The following TTC39C variants were observed in gnomAD, a reference collection of about 807,000 sequenced individuals.
TTC39C encodes the protein tetratricopeptide repeat domain 39C.
TTC39C carries 33 observed loss-of-function variants against 76.3 expected under a neutral mutation model. That is an observed-to-expected ratio of 0.43 (90% CI 0.33 to 0.58). The LOEUF (loss-of-function observed/expected upper bound fraction) is 0.58, where lower values mean the gene tolerates loss of function less well. Among genes scored for constraint, TTC39C ranks in the 20% least tolerant of loss-of-function variants. The pLI, the probability that TTC39C is intolerant of heterozygous loss-of-function variation, is 0.04. For missense variants in TTC39C, 595 were observed against 701.4 expected (o/e 0.85, Z 1.71); for synonymous variants, 254 against 260.6 (o/e 0.97, Z 0.24).
intron 11 of TTC39C, 115 bp downstream of exon 11, chr18:24,129,098 CT>C: frequency 1.5e-6 from 1 of 654,022 alleles, no homozygotes; most frequent in Non-Finnish European, 2.4e-6. Flanking sequence ...CCACTATAAA[CT>C]TTATCCAATT....
chr18:24,068,674 T>C (rs1388123999), intron 3 of TTC39C, among the ~76,000 whole-genome samples: 1 of 152,346 alleles, frequency 6.6e-6, no homozygotes, highest in East Asian at 1.9e-4. Context: ...TATTTTCTCC[T>C]TAATGGAAAT....
chr18:24,030,285 A>G (rs2083650877), intron 1 of TTC39C, among the ~76,000 whole-genome samples: 1 of 152,186 alleles, frequency 6.6e-6, no homozygotes, highest in South Asian at 2.1e-4. Context: ...TAGAGAAGGA[A>G]CTATTGCTGA....
chr18:24,058,457 C>A (rs1421003024), intron 1 of TTC39C, among the ~76,000 whole-genome samples: 1 of 152,052 alleles, frequency 6.6e-6, no homozygotes, highest in Admixed American at 6.5e-5. Context: ...GCGTTTGAGA[C>A]CAGCATGGTC....
intron 1 of TTC39C, among the ~76,000 whole-genome samples, chr18:24,059,381 G>C (rs1397352648): frequency 1.3e-5 from 2 of 151,994 alleles, no homozygotes; most frequent in African/African-American, 4.8e-5. Flanking sequence ...CCATCGTCAA[G>C]TAGGCCTCCG....
intron 4 of TTC39C, among the ~76,000 whole-genome samples, chr18:24,071,661 G>A (rs1035985): frequency 1 from 152,294 of 152,364 alleles, 76,112 homozygotes; most frequent in Middle Eastern, 1. Flanking sequence ...TATCATATGG[G>A]TATGCCCTAA....
chr18:24,122,371 A>G (rs1248222811), intron 8 of TTC39C, among the ~76,000 whole-genome samples: 2 of 151,534 alleles, frequency 1.3e-5, no homozygotes, highest in Non-Finnish European at 2.9e-5. Context: ...GCATGGTGGC[A>G]TGTGCCTGTA....
intron 5 of TTC39C, 51 bp from the exon 6 acceptor site, chr18:24,082,862 A>G (rs752733307): frequency 3.3e-6 from 5 of 1,508,054 alleles, no homozygotes; most frequent in East Asian, 4.6e-5. Context: ...AAAAATGGAA[A>G]TGGTGTAAGG....
chr18:24,092,586 G>A (rs1459871674), intron 6 of TTC39C, among the ~76,000 whole-genome samples: 7 of 152,184 alleles, frequency 4.6e-5, no homozygotes, highest in Non-Finnish European at 7.3e-5. Flanking sequence ...ACTATAGCAT[G>A]GAGGAACCTT....
rs554893561 is a variant in TTC39C, at chr18:24,067,713, G to C, written c.346-1444G>C. On this transcript the variant is annotated intron_variant, in intron 3 of 13. Transcript: ENST00000317571. ...TGGAAAAATTGTCTTCCGTGAAGCTGGTCCCTGGTGCCAAAAAGGTTGGAG... is the reference window on the plus strand; with the variant it reads ...TGGAAAAATTGTCTTCCGTGAAGCTCGTCCCTGGTGCCAAAAAGGTTGGAG... Among the ~76,000 whole-genome samples the C allele has an allele frequency of 2.0e-4, 31 of 152,206 alleles. 1 individual carries two copies. In the South Asian group the frequency reaches 6.4e-3, roughly 32 times the overall value.
chr18:24,114,674 CTTG>C, intron 7 of TTC39C, 27 bp downstream of exon 7: 1 of 1,555,306 alleles, frequency 6.4e-7, no homozygotes. Flanking sequence ...TGTCCAGCCT[CTTG>C]TTAAGAAGTA....
chr18:24,052,902 A>G (rs2083970540), intron 1 of TTC39C, among the ~76,000 whole-genome samples: 1 of 152,248 alleles, frequency 6.6e-6, no homozygotes, highest in Admixed American at 6.5e-5. Context: ...AGGAGACCTC[A>G]TGAATGAGAT....
At chr18:24,086,071 CAG>C (rs1432728074) in intron 6 of TTC39C, among the ~76,000 whole-genome samples, 3 of 152,190 alleles carry the variant, frequency 2.0e-5, no homozygotes, top group African/African-American at 7.2e-5. Context: ...GGCCCTGACT[CAG>C]TTTATGAAAC....
intron 1 of TTC39C, among the ~76,000 whole-genome samples, chr18:23,998,802 A>G (rs976820128): frequency 2.3e-5 from 2 of 88,764 alleles, no homozygotes; most frequent in African/African-American, 7.3e-5. Flanking sequence ...AACTGTAAGC[A>G]TGAAGCTGGT....
At chr18:24,036,070 A>T (rs966473232) in intron 1 of TTC39C, among the ~76,000 whole-genome samples, 1 of 151,410 alleles carries the variant, frequency 6.6e-6, no homozygotes, top group Non-Finnish European at 1.5e-5. Flanking sequence ...TAGGCTCTCT[A>T]TTCTTTTGCA....
chr18:24,110,651 A>G (rs2084797506), intron 6 of TTC39C, among the ~76,000 whole-genome samples: 1 of 152,242 alleles, frequency 6.6e-6, no homozygotes, highest in South Asian at 2.1e-4. Flanking sequence ...AAAAATACCT[A>G]GGAATATACC....
rs555769517 is a variant in TTC39C at position 23,995,042 on chromosome 18, C to T, written c.-17+2004C>T. ...GTGTAGGTTTGTCTAATCAGCATTG[C>T]AATTATGATACAGAACTATTCCTTC... On this transcript the variant is annotated intron_variant, in intron 1 of 13. Coordinates refer to the TTC39C transcript ENST00000304621. 7.2e-5 allele frequency among the ~76,000 whole-genome samples: 11 copies of T among 152,238 alleles called. No individual in the cohort carries two copies. The South Asian group carries it at 2.3e-3, about 32-fold the overall frequency.
intron 6 of TTC39C, chr18:24,113,818 A>G (rs1290607281): frequency 3.1e-6 from 2 of 648,272 alleles, no homozygotes; most frequent in Non-Finnish European, 5.6e-6. Context: ...AATGTATTTC[A>G]CTGGGAGTAA....
intron 1 of TTC39C, among the ~76,000 whole-genome samples, chr18:24,019,655 T>A (rs1324089589): frequency 6.6e-6 from 1 of 152,236 alleles, no homozygotes; most frequent in African/African-American, 2.4e-5. Flanking sequence ...GATGGTTCCA[T>A]ATAATCCAGG....
intron 1 of TTC39C, among the ~76,000 whole-genome samples, chr18:24,060,313 G>GTT (rs1294806136): frequency 0.022 from 2,001 of 89,220 alleles, 140 homozygotes; most frequent in East Asian, 0.17. Context: ...TTGCGTTTCT[G>GTT]TTTTTTTTTT....
Sources: gnomAD v4.1 joint callset for allele counts (sites outside exome capture counted in the v4.1 genomes callset) on GRCh38, gnomAD v4.1.1 for gene constraint, MANE v1.5 for transcripts, NCBI Gene and HGNC (gene_info 2026-07-23, HGNC 2026-07-21) for gene names.